C1orf87: variants seen among roughly 807,000 people sequenced by gnomAD.
C1orf87 encodes the protein uncharacterized protein C1orf87.
A neutral mutation model predicts 60.5 loss-of-function variants in C1orf87; 58 were observed. The ratio of observed to expected loss-of-function variants is 0.96; its 90% CI spans 0.78 to 1.19. The LOEUF is 1.19. Ranked by LOEUF, C1orf87 falls within the 50% of genes most tolerant of loss-of-function variation. C1orf87 has a pLI of 0.00. For synonymous variants in C1orf87, 236 were observed against 227.4 expected (o/e 1.04, Z -0.34); for missense variants, 673 against 638.6 (o/e 1.05, Z -0.58).
intron 4 of C1orf87, among the ~76,000 whole-genome samples, chr1:60,040,559 C>A (rs1045591652): frequency 6.6e-6 from 1 of 152,128 alleles, no homozygotes; most frequent in Non-Finnish European, 1.5e-5. Context: ...GGTGTCTAGA[C>A]CCTGACTGAG....
intron 2 of C1orf87, among the ~76,000 whole-genome samples, chr1:60,055,885 T>C (rs1211479127): frequency 6.9e-6 from 1 of 144,790 alleles, no homozygotes; most frequent in African/African-American, 2.4e-5. Context: ...AAGTTTAATA[T>C]TAGAGAAAAG....
chr1:60,010,913 A>AATAT (rs142801484), intron 8 of C1orf87: 24,563 of 95,540 alleles, frequency 0.26, 3,022 homozygotes, highest in Middle Eastern at 0.35. Context: ...TAAATAAATA[A>AATAT]AAACTGTCTC....
chr1:60,033,608 T>G lies in C1orf87; in HGVS notation c.897A>C (p.Glu299Asp). Residue 299 changes from glutamate (E) to aspartate (D), a missense_variant, in exon 7 of 12, where the codon GAA (glutamate) becomes GAC (aspartate). Coordinates refer to ENST00000371201, the MANE Select transcript of C1orf87 (RefSeq NM_152377.3). Reference sequence around the variant, plus strand: ...AAATCTCCAACAGACTCCTGTTCACTTCTGGCTGTGAGCTGGAGTGCTGAG... The same window carrying G: ...AAATCTCCAACAGACTCCTGTTCACGTCTGGCTGTGAGCTGGAGTGCTGAG... ...TPPQHSSSQP[E>D]VNRSLLEILK... 1 of 1,613,108 alleles carries G rather than the reference T, an allele frequency of 6.2e-7. No individual in the cohort carries two copies. The highest frequency in any genetic ancestry group is 8.5e-7 in the Non-Finnish European group (1 of 1,179,468).
rs573984317 is a variant in C1orf87 at position 59,998,822 on chromosome 1, A to G, written c.1273-1006T>C. On this transcript the variant is annotated intron_variant, in intron 10 of 11. Coordinates refer to ENST00000371201, the MANE Select transcript of C1orf87 (RefSeq NM_152377.3). Reference sequence around the variant, plus strand: ...GAAAGAGAGAGAATATGAAGCTGACAACGAGAGAAGAAAAAAGATATAGGA... The same window carrying G: ...GAAAGAGAGAGAATATGAAGCTGACGACGAGAGAAGAAAAAAGATATAGGA... 3.9e-5 allele frequency among the ~76,000 whole-genome samples: 6 copies of G among 152,256 alleles called. 1 individual carries two copies. The South Asian group carries it at 1.2e-3, about 32-fold the overall frequency.
At chr1:60,013,634 C>T (rs1645104468) in intron 8 of C1orf87, among the ~76,000 whole-genome samples, 1 of 149,838 alleles carries the variant, frequency 6.7e-6, no homozygotes, top group African/African-American at 2.5e-5. Context: ...AGATTTGGAG[C>T]CTGCAGAATT....
intron 8 of C1orf87, among the ~76,000 whole-genome samples, chr1:60,016,705 G>A (rs563613082): frequency 1.9e-4 from 29 of 152,324 alleles, no homozygotes; most frequent in African/African-American, 6.7e-4. Flanking sequence ...GGTGGTAGAA[G>A]GGCTACACTG....
chr1:60,038,622 T>C (rs1192112968), intron 5 of C1orf87, among the ~76,000 whole-genome samples: 2 of 152,116 alleles, frequency 1.3e-5, no homozygotes, highest in Non-Finnish European at 1.5e-5. Context: ...TCTCTCTCTC[T>C]CCCCACCGCT....
chr1:60,060,172 T>G (rs1645485955), intron 2 of C1orf87, among the ~76,000 whole-genome samples: 1 of 152,112 alleles, frequency 6.6e-6, no homozygotes, highest in South Asian at 2.1e-4. Context: ...AAAAAATATG[T>G]TCATTCAACT....
At chr1:60,053,997 C>A (rs1053805928) in intron 3 of C1orf87, among the ~76,000 whole-genome samples, 1 of 152,058 alleles carries the variant, frequency 6.6e-6, no homozygotes, top group African/African-American at 2.4e-5. Flanking sequence ...CTTTTATAAC[C>A]ATAATATTAT....
intron 8 of C1orf87, among the ~76,000 whole-genome samples, chr1:60,012,859 G>A (rs145111751): frequency 2.5e-3 from 387 of 152,264 alleles, no homozygotes; most frequent in African/African-American, 8.5e-3. Flanking sequence ...TTTATGCCCT[G>A]ACTCCAAATC....
chr1:60,060,818 C>T (rs1008427094), intron 2 of C1orf87, among the ~76,000 whole-genome samples: 2 of 152,144 alleles, frequency 1.3e-5, no homozygotes, highest in African/African-American at 4.8e-5. Flanking sequence ...GTGGATTACA[C>T]CCAAGAGCTT....
At position 60,072,779 on chromosome 1, in the gene C1orf87, T is replaced by G. The variant is rs1645593111; in HGVS notation, c.-27-109A>C. 6.7e-6 allele frequency: 4 copies of G among 594,398 alleles called. No homozygotes were observed. The Admixed American group carries it at 1.0e-4, about 15-fold the overall frequency. The allele number at this position is 594,398 out of a possible 1,614,324, so 36.8% of individuals were successfully genotyped here. On this transcript the variant is annotated intron_variant, in intron 1 of 11. Transcript: ENST00000371201. Reference sequence around the variant, plus strand: ...TAATAGCAGGACAAAGTGTTTCACCTATATTACCTCACTTAACACTCCTAA... The same window carrying G: ...TAATAGCAGGACAAAGTGTTTCACCGATATTACCTCACTTAACACTCCTAA...
chr1:60,072,778 C>T (rs779405659), intron 1 of C1orf87, 108 bp from the exon 2 acceptor site: 43 of 593,488 alleles, frequency 7.2e-5, no homozygotes, highest in Non-Finnish European at 1.1e-4. Context: ...AGTGTTTCAC[C>T]TATATTACCT....
chr1:60,056,378 A>C (rs372937904), intron 2 of C1orf87, among the ~76,000 whole-genome samples: 88 of 152,342 alleles, frequency 5.8e-4, no homozygotes, highest in African/African-American at 1.7e-3. Context: ...AAACTCTGAC[A>C]TTGTAGAACA....
intron 9 of C1orf87, among the ~76,000 whole-genome samples, chr1:60,003,251 C>T (rs1230581203): frequency 2.2e-5 from 3 of 137,732 alleles, no homozygotes; most frequent in South Asian, 2.3e-4. Flanking sequence ...TATTCTCACT[C>T]ATAGGTGGGA....
chr1:60,002,323 C>A (rs1645011736), intron 9 of C1orf87, among the ~76,000 whole-genome samples: 1 of 152,036 alleles, frequency 6.6e-6, no homozygotes, highest in Admixed American at 6.6e-5. Flanking sequence ...TCAGTTTCCT[C>A]TTCTGTATAA....
At position 60,004,182 on chromosome 1, in the gene C1orf87, G is replaced by T. The variant is rs930550508; in HGVS notation, c.1193-3026C>A. ...GAAAGGGGAGGAGGATGAACAGACA[G>T]ACCTAACATCTAACCCTGATTCTTC... On this transcript the variant is annotated intron_variant, in intron 9 of 11. Coordinates refer to ENST00000371201, the MANE Select transcript of C1orf87 (RefSeq NM_152377.3). Among the ~76,000 whole-genome samples, 3 of 152,044 alleles carry T rather than the reference G, an allele frequency of 2.0e-5. No individual in the cohort carries two copies. In the East Asian group the frequency reaches 5.8e-4, roughly 29 times the overall value.
chr1:60,045,245 G>A (rs1457959960), intron 3 of C1orf87, among the ~76,000 whole-genome samples: 1 of 152,040 alleles, frequency 6.6e-6, no homozygotes, highest in African/African-American at 2.4e-5. Context: ...GCTCAAAAAT[G>A]GGCAGTAGTG....
Position 60,021,746 on chromosome 1 carries a change from T to C in C1orf87, c.1127+3655A>G, listed in dbSNP as rs1233827879. On this transcript the variant is annotated intron_variant, in intron 8 of 11. Coordinates refer to ENST00000371201, the MANE Select transcript of C1orf87 (RefSeq NM_152377.3). The stretch of plus-strand genomic sequence containing the variant: ...GAGATACAGATAATAGCTATACAGA[T>C]GATAAATCTGCAAATTACCTAATTC... 1.3e-5 allele frequency among the ~76,000 whole-genome samples: 2 copies of C among 152,160 alleles called. 1 individual carries two copies. Among genetic ancestry groups the C allele is most frequent in the East Asian group, 3.9e-4 (2 of 5,194 alleles).
Sources: allele counts gnomAD v4.1 joint callset (sites outside exome capture counted in the v4.1 genomes callset), GRCh38; gene constraint gnomAD v4.1.1; transcripts MANE v1.5; gene names NCBI Gene and HGNC (gene_info 2026-07-23, HGNC 2026-07-21).